Variants in JPH1 observed in about 807,000 individuals in gnomAD.
The protein encoded by JPH1 is junctophilin-1.
In JPH1, 12 loss-of-function variants were observed where a neutral mutation model predicts 53.6. The observed-to-expected ratio is 0.22, with a 90% CI of 0.14 to 0.36. The LOEUF (loss-of-function observed/expected upper bound fraction) is 0.36, where lower values mean the gene tolerates loss of function less well. Among genes scored for constraint, JPH1 ranks in the 10% least tolerant of loss-of-function variants. The pLI is 1.00. For synonymous variants in JPH1, 375 were observed against 363.8 expected, an observed-to-expected ratio of 1.03 and a Z score of -0.35; for missense variants, 808 against 905.5, an observed-to-expected ratio of 0.89 and a Z score of 1.38.
chr8:74,300,764 C>T (rs184791753), intron 2 of JPH1, among the ~76,000 whole-genome samples: 15 of 152,114 alleles, frequency 9.9e-5, no homozygotes, highest in Admixed American at 7.9e-4. Context: ...CAAAAACAGG[C>T]GAAAGGAGAG....
At chr8:74,256,963 G>A (rs534991694) in intron 3 of JPH1, among the ~76,000 whole-genome samples, 77 of 152,276 alleles carry the variant, frequency 5.1e-4, no homozygotes, top group African/African-American at 1.7e-3. Context: ...TTATATCTGA[G>A]ATATGTAAAT....
chr8:74,257,125 T>C (rs1455135142), intron 3 of JPH1, among the ~76,000 whole-genome samples: 2 of 152,208 alleles, frequency 1.3e-5, no homozygotes, highest in African/African-American at 4.8e-5. Flanking sequence ...TTCTATACAG[T>C]TGCTGAAGAA....
chr8:74,314,863 T>A lies in JPH1; in HGVS notation c.1137A>T (p.Ser379=). The A allele has an allele frequency of 6.2e-7, 1 of 1,614,114 alleles. No homozygotes were observed. Among genetic ancestry groups the A allele is most frequent in the Non-Finnish European group, 8.5e-7 (1 of 1,180,028 alleles). ...MARTKVEIAN[S]RTAHARAKAD... ...CCAACCACCCTGCATTTACTTACCT[T>A]GAATTTGCTATTTCCACTTTGGTTC... The change falls in exon 2 of 6, where the codon TCA becomes TCT. Residue 379 remains serine, a splice_region_variant and synonymous_variant. Coordinates refer to ENST00000342232, the MANE Select transcript of JPH1 (RefSeq NM_020647.4).
At chr8:74,317,883 T>C (rs1586781125) in intron 1 of JPH1, among the ~76,000 whole-genome samples, 3 of 152,084 alleles carry the variant, frequency 2.0e-5, no homozygotes, top group Admixed American at 6.5e-5. Context: ...GGCTTGAAAA[T>C]CCAAGCTGTT....
intron 3 of JPH1, among the ~76,000 whole-genome samples, chr8:74,248,374 C>T (rs557161181): frequency 6.6e-6 from 1 of 152,308 alleles, no homozygotes; most frequent in African/African-American, 2.4e-5. Context: ...TAAGCAGGGG[C>T]GCCTATGCTT....
intron 3 of JPH1, among the ~76,000 whole-genome samples, chr8:74,246,312 C>A (rs1417560843): frequency 6.6e-6 from 1 of 152,080 alleles, no homozygotes; most frequent in African/African-American, 2.4e-5. Flanking sequence ...TGCATCTGTT[C>A]ATTTTCCTTC....
chr8:74,239,368 C>T (rs1805629160), intron 4 of JPH1, among the ~76,000 whole-genome samples: 1 of 152,098 alleles, frequency 6.6e-6, no homozygotes, highest in African/African-American at 2.4e-5. Flanking sequence ...AAGATACAGG[C>T]CTTAGTTTAA....
intron 2 of JPH1, among the ~76,000 whole-genome samples, chr8:74,311,197 T>C (rs1208199990): frequency 6.6e-6 from 1 of 152,232 alleles, no homozygotes; most frequent in Non-Finnish European, 1.5e-5. Context: ...TCATTGATCA[T>C]CTCCTTTTGT....
In JPH1 at chr8:74,321,475, G is replaced by T. The variant is rs1808325783; in HGVS notation, c.-188C>A. On this transcript the variant is annotated 5_prime_UTR_variant, in exon 1 of 6. Coordinates refer to ENST00000342232, the MANE Select transcript of JPH1 (RefSeq NM_020647.4). This position sits in a 1 kb window ranked among gnomAD's most constrained non-coding sequence, Gnocchi z 4.3. ...TCCCTCCTCTTTTGCCGCCGCCACC[G>T]CCGCCTTCCTCCTCCTCCTCCTCCT... is the stretch of plus-strand genomic sequence containing the variant. The T allele has an allele frequency of 5.7e-6, 3 of 527,350 alleles. No homozygotes were observed. Among genetic ancestry groups the T allele is most frequent in the Non-Finnish European group, 9.2e-6 (3 of 325,106 alleles). 32.7% of individuals were successfully genotyped at this position (527,350 alleles called of 1,614,324 possible). A position where few individuals can be genotyped will look rare whatever the true frequency, so the allele number is the denominator to read the frequency against.
At chr8:74,272,401 G>GA (rs1806725180) in intron 2 of JPH1, among the ~76,000 whole-genome samples, 1 of 152,024 alleles carries the variant, frequency 6.6e-6, no homozygotes, top group African/African-American at 2.4e-5. Context: ...TGCTAGGGGT[G>GA]AAAAGAAAAC....
At chr8:74,272,730 T>A (rs1040194178) in intron 2 of JPH1, among the ~76,000 whole-genome samples, 22 of 151,594 alleles carry the variant, frequency 1.5e-4, no homozygotes, top group African/African-American at 4.9e-4. Context: ...CAGCCTCCCG[T>A]GTAGCTGGGA....
intron 2 of JPH1, among the ~76,000 whole-genome samples, chr8:74,266,168 C>A (rs1358232446): frequency 6.6e-6 from 1 of 151,690 alleles, no homozygotes; most frequent in Non-Finnish European, 1.5e-5. Context: ...GATATTTATA[C>A]ACCCATGTTC....
rs184734086 is a variant in JPH1 at position 74,248,130 on chromosome 8, A to C, written c.1259-2955T>G. ...TTTGGACACAGTTTTCTTGTCCTAA[A>C]TGCAGTAAGAAAGGCATGTCTTACA... On this transcript the variant is annotated intron_variant, in intron 3 of 5. Coordinates refer to ENST00000342232, the MANE Select transcript of JPH1 (RefSeq NM_020647.4). Among the ~76,000 whole-genome samples the C allele has an allele frequency of 1.3e-3, 200 of 152,306 alleles. 2 individuals carry two copies. Among genetic ancestry groups the C allele is most frequent in the Non-Finnish European group, 2.1e-3 (140 of 68,028 alleles).
intron 1 of JPH1, among the ~76,000 whole-genome samples, chr8:74,319,054 G>GT (rs1219726779): frequency 3.3e-5 from 5 of 150,924 alleles, no homozygotes; most frequent in South Asian, 2.1e-4. Context: ...CAAGTTTTAA[G>GT]TTTTTTTTTA....
chr8:74,265,007 T>TTTC (rs2131399407), intron 2 of JPH1, among the ~76,000 whole-genome samples: 2 of 152,346 alleles, frequency 1.3e-5, no homozygotes, highest in Non-Finnish European at 2.9e-5. Context: ...CTATCCTCAA[T>TTTC]GTATGCACAC....
intron 2 of JPH1, among the ~76,000 whole-genome samples, chr8:74,271,499 G>A (rs1056915107): frequency 3.3e-5 from 5 of 152,208 alleles, no homozygotes; most frequent in Non-Finnish European, 5.9e-5. Context: ...CATGACAACA[G>A]ATTTGGTGAC....
At chr8:74,319,581 C>G (rs1019557649) in intron 1 of JPH1, among the ~76,000 whole-genome samples, 8 of 152,136 alleles carry the variant, frequency 5.3e-5, no homozygotes, top group Non-Finnish European at 7.4e-5. Flanking sequence ...AAAAGATGTC[C>G]TTTTTAGCAA....
At chr8:74,301,818 T>C (rs1346015965) in intron 2 of JPH1, among the ~76,000 whole-genome samples, 1 of 152,246 alleles carries the variant, frequency 6.6e-6, no homozygotes, top group African/African-American at 2.4e-5. Flanking sequence ...ACAAGATTTG[T>C]GGCTGTTGAA....
chr8:74,256,320 C>T lies in JPH1; in HGVS notation c.1258+3065G>A, dbSNP rs1273934082. Reference sequence around the variant, plus strand: ...AAAAACCAAACACCGCATGTTCTCACTCATAGGTGGGAATTGATCAATGAG... The same window carrying T: ...AAAAACCAAACACCGCATGTTCTCATTCATAGGTGGGAATTGATCAATGAG... On this transcript the variant is annotated intron_variant, in intron 3 of 5. Transcript: ENST00000342232. Among the ~76,000 whole-genome samples the T allele has an allele frequency of 2.0e-5, 3 of 151,038 alleles. No individual in the cohort carries two copies. The East Asian group carries it at 5.8e-4, about 29-fold the overall frequency.
Sources: allele counts gnomAD v4.1 joint callset (sites outside exome capture counted in the v4.1 genomes callset), GRCh38; gene constraint gnomAD v4.1.1; non-coding constraint Gnocchi (gnomAD v3.1); transcripts MANE v1.5; gene names NCBI Gene and HGNC (gene_info 2026-07-23, HGNC 2026-07-21).